The following LYRM1 variants were observed in gnomAD, a reference collection of about 807,000 sequenced individuals.
The protein encoded by LYRM1 is LYR motif-containing protein 1.
LYRM1 carries 14 observed loss-of-function variants against 14.9 expected under a neutral mutation model. The observed-to-expected ratio is 0.94, with a 90% CI of 0.62 to 1.47. The LOEUF (loss-of-function observed/expected upper bound fraction) is 1.47. Ranked by LOEUF, LYRM1 falls within the 40% of genes most tolerant of loss-of-function variation. The probability of loss-of-function intolerance (pLI) is 0.00; values close to 1 mark genes in which losing one functional copy is unlikely to be tolerated. For synonymous variants in LYRM1, 43 were observed against 56.2 expected (o/e 0.77, Z 1.05); for missense variants, 153 against 149.9 (o/e 1.02, Z -0.11).
At chr16:20,913,546 A>G (rs142107291) in intron 1 of LYRM1, among the ~76,000 whole-genome samples, 5,159 of 152,036 alleles carry the variant, frequency 0.034, 119 homozygotes, top group Non-Finnish European at 0.05. Flanking sequence ...TCCTTACCTC[A>G]AGTGATCCAC....
At chr16:20,908,673 G>A (rs1182358518) in intron 1 of LYRM1, among the ~76,000 whole-genome samples, 1 of 152,214 alleles carries the variant, frequency 6.6e-6, no homozygotes, top group African/African-American at 2.4e-5. Flanking sequence ...CTGCCCTTCA[G>A]GAATTCAGAC....
At chr16:20,904,116 C>T (rs1198228378) in intron 1 of LYRM1, among the ~76,000 whole-genome samples, 1 of 152,112 alleles carries the variant, frequency 6.6e-6, no homozygotes, top group African/African-American at 2.4e-5. Flanking sequence ...CTTTTCTTTG[C>T]CTGTTAAAAT....
intron 2 of LYRM1, among the ~76,000 whole-genome samples, chr16:20,916,781 A>C (rs2082923701): frequency 6.6e-6 from 1 of 152,206 alleles, no homozygotes. Context: ...CTTTGTTCTC[A>C]TTCCTCACTC....
chr16:20,910,544 T>C (rs766754935), intron 1 of LYRM1, among the ~76,000 whole-genome samples: 2 of 152,252 alleles, frequency 1.3e-5, no homozygotes, highest in Non-Finnish European at 2.9e-5. Flanking sequence ...TTATGGTATA[T>C]GATCAGTTAG....
chr16:20,915,829 C>G, intron 2 of LYRM1, 115 bp downstream of exon 2: 1 of 1,170,932 alleles, frequency 8.5e-7, no homozygotes, highest in Non-Finnish European at 1.2e-6. Flanking sequence ...GGTGGCAGAA[C>G]TTGGGGCAGG....
At chr16:20,916,088 T>TGTTG (rs58497850) in intron 2 of LYRM1, among the ~76,000 whole-genome samples, 166 of 151,452 alleles carry the variant, frequency 1.1e-3, no homozygotes, top group African/African-American at 2.1e-3. Context: ...TGTTGTTTTT[T>TGTTG]TTTTCAATTC....
At chr16:20,910,369 C>T (rs1221719103) in intron 1 of LYRM1, among the ~76,000 whole-genome samples, 1 of 152,210 alleles carries the variant, frequency 6.6e-6, no homozygotes, top group Admixed American at 6.5e-5. Flanking sequence ...TCTGGGTCAC[C>T]TGATGTTGCA....
intron 3 of LYRM1, 102 bp downstream of exon 3, chr16:20,920,316 A>G (rs1336086458): frequency 2.3e-6 from 2 of 876,308 alleles, no homozygotes; most frequent in Middle Eastern, 2.2e-4. Context: ...TGAGAAGCCC[A>G]GAGCTGCTGT....
chr16:20,904,095 C>T (rs1256001395), intron 1 of LYRM1, among the ~76,000 whole-genome samples: 1 of 152,172 alleles, frequency 6.6e-6, no homozygotes, highest in Non-Finnish European at 1.5e-5. Flanking sequence ...CCACCTCTGA[C>T]TGACCCGTAC....
chr16:20,910,923 C>T (rs911580108), intron 1 of LYRM1, among the ~76,000 whole-genome samples: 6 of 152,216 alleles, frequency 3.9e-5, no homozygotes, highest in Non-Finnish European at 8.8e-5. Flanking sequence ...TAGTTACAGA[C>T]TCCCTGTACC....
Position 20,924,342 on chromosome 16 carries a change from A to T in LYRM1, c.*226A>T, listed in dbSNP as rs2083357262. The T allele has an allele frequency of 4.9e-6, 2 of 405,524 alleles. No individual in the cohort carries two copies. Among genetic ancestry groups the T allele is most frequent in the South Asian group, 3.4e-5 (1 of 29,232 alleles). The allele number at this position is 405,524 out of a possible 1,614,324, so 25.1% of individuals were successfully genotyped here. A position where few individuals can be genotyped will look rare whatever the true frequency, so the allele number is the denominator to read the frequency against. ...TAGAGGTCATGGACCTTACATCCTC[A>T]CTGCAGTCACCTTTGGAAACAAGAC... On this transcript the variant is annotated 3_prime_UTR_variant, in exon 4 of 4. Transcript: ENST00000567954.
intron 1 of LYRM1, chr16:20,911,319 A>G (rs781024563): frequency 2.0e-5 from 3 of 152,232 alleles, no homozygotes; most frequent in Non-Finnish European, 4.4e-5. Flanking sequence ...CCTTGCAAGT[A>G]CTTAGAATTT....
At chr16:20,920,887 C>CA (rs2152555796) in intron 3 of LYRM1, among the ~76,000 whole-genome samples, 1 of 148,676 alleles carries the variant, frequency 6.7e-6, no homozygotes, top group African/African-American at 2.5e-5. Context: ...GACCCTGTCT[C>CA]AAAAAATAAA....
Position 20,915,572 on chromosome 16 carries a change from G to A in LYRM1, c.17G>A (p.Arg6Gln), listed in dbSNP as rs201148832. The A allele has an allele frequency of 9.3e-6, 15 of 1,613,488 alleles. No homozygotes were observed. The African/African-American group carries it at 1.2e-4, about 13-fold the overall frequency. MTTAT[R>Q]QEVLGLYRSI... is the part of the protein sequence containing the mutation. Reference sequence around the variant, plus strand: ...GGTCTGAAGATGACAACGGCAACACGACAAGAAGTCCTTGGCCTCTACCGC... The same window carrying A: ...GGTCTGAAGATGACAACGGCAACACAACAAGAAGTCCTTGGCCTCTACCGC... Residue 6 changes from arginine to glutamine, a missense_variant, in exon 2 of 4, where the codon CGA becomes CAA. Arg to Gln is a conservative substitution (Grantham distance 43). Coordinates refer to ENST00000567954, the MANE Select transcript of LYRM1 (RefSeq NM_001128302.3).
At chr16:20,918,014 G>A (rs2082996458) in intron 2 of LYRM1, among the ~76,000 whole-genome samples, 1 of 151,916 alleles carries the variant, frequency 6.6e-6, no homozygotes, top group Admixed American at 6.6e-5. Flanking sequence ...ATCTTCCTCA[G>A]TTTCTCTGCT....
chr16:20,913,915 TCTC>T (rs771364149), intron 1 of LYRM1, among the ~76,000 whole-genome samples: 1 of 152,002 alleles, frequency 6.6e-6, no homozygotes, highest in Non-Finnish European at 1.5e-5. Flanking sequence ...TTCATACCAT[TCTC>T]CTGCCTCAGC....
At position 20,915,731 on chromosome 16, in the gene LYRM1, T is replaced by C. The variant is rs186667740; in HGVS notation, c.159+17T>C. 217 of 1,612,132 alleles carry C rather than the reference T, an allele frequency of 1.3e-4. No individual in the cohort carries two copies. The African/African-American group carries it at 2.4e-3, about 18-fold the overall frequency. Reference sequence around the variant, plus strand: ...AACAAAAATGTAAGTAGGCCCCACTTGGAGATTGTGCAGAGGAGAGTTGTT... The same window carrying C: ...AACAAAAATGTAAGTAGGCCCCACTCGGAGATTGTGCAGAGGAGAGTTGTT... On this transcript the variant is annotated intron_variant, in intron 2 of 3. Transcript: ENST00000567954.
intron 3 of LYRM1, 34 bp downstream of exon 3, chr16:20,920,248 C>A: frequency 6.9e-7 from 1 of 1,449,060 alleles, no homozygotes; most frequent in Non-Finnish European, 9.7e-7. Context: ...GTGCTGGGTA[C>A]TTACCCTCAT....
In LYRM1 at chr16:20,901,753, G is replaced by C. The variant is rs551257259; in HGVS notation, c.-1+864G>C. 5.9e-5 allele frequency among the ~76,000 whole-genome samples: 9 copies of C among 152,344 alleles called. No homozygotes were observed. In the South Asian group the frequency reaches 1.7e-3, roughly 28 times the overall value. The stretch of plus-strand genomic sequence containing the variant: ...ACATTTTTAAAAATCCGCTCTGCCT[G>C]CTGGATAGAGAAGGGTGGAAGTAGT... On this transcript the variant is annotated intron_variant, in intron 1 of 3. Transcript: ENST00000567954. This position sits in a 1 kb window ranked among gnomAD's most constrained non-coding sequence, Gnocchi z 4.6.
Sources: allele counts gnomAD v4.1 joint callset (sites outside exome capture counted in the v4.1 genomes callset), GRCh38; gene constraint gnomAD v4.1.1; non-coding constraint Gnocchi (gnomAD v3.1); transcripts MANE v1.5; gene names NCBI Gene and HGNC (gene_info 2026-07-23, HGNC 2026-07-21).